Variants in PLCXD3 observed in about 807,000 individuals in gnomAD.
PLCXD3 encodes the protein PI-PLC X domain-containing protein 3.
In PLCXD3, 19 loss-of-function variants were observed where a neutral mutation model predicts 25.5. The observed-to-expected ratio is 0.75, with a 90% CI of 0.52 to 1.09. The LOEUF is 1.09. PLCXD3 is among the 50% of genes least tolerant of loss of function. The probability of loss-of-function intolerance (pLI) is 0.00; values close to 1 mark genes in which losing one functional copy is unlikely to be tolerated. For synonymous variants in PLCXD3, 174 were observed against 137.6 expected (o/e 1.26, Z -1.85); for missense variants, 411 against 388.1 (o/e 1.06, Z -0.50).
rs112491696 is a variant in PLCXD3 at position 41,401,688 on chromosome 5, T to C, written c.104-19154A>G. On this transcript the variant is annotated intron_variant, in intron 1 of 2. Coordinates refer to ENST00000377801, the MANE Select transcript of PLCXD3 (RefSeq NM_001005473.3). The stretch of plus-strand genomic sequence containing the variant: ...TTTCTAAAAGAGTTTGTGTAAGACA[T>C]GCATTATTTTCCTCTTAAATTTTGA... 8.2e-3 allele frequency among the ~76,000 whole-genome samples: 1,241 copies of C among 152,180 alleles called. 22 individuals carry two copies. Among genetic ancestry groups the C allele is most frequent in the African/African-American group, 0.028 (1,175 of 41,560 alleles).
chr5:41,431,158 A>AT (rs1747090413), intron 1 of PLCXD3, among the ~76,000 whole-genome samples: 1 of 152,156 alleles, frequency 6.6e-6, no homozygotes, highest in African/African-American at 2.4e-5. Flanking sequence ...CCATAGAGGG[A>AT]TTTTATCTCT....
At chr5:41,470,025 G>C (rs781405417) in intron 1 of PLCXD3, among the ~76,000 whole-genome samples, 1 of 152,158 alleles carries the variant, frequency 6.6e-6, no homozygotes, top group Non-Finnish European at 1.5e-5. Flanking sequence ...CTCAACAAAA[G>C]CCTCTGAAGT....
chr5:41,314,443 T>C (rs1177551853), intron 2 of PLCXD3, among the ~76,000 whole-genome samples: 1 of 152,094 alleles, frequency 6.6e-6, no homozygotes, highest in East Asian at 1.9e-4. Context: ...TAAACAATAG[T>C]CATAAAAATA....
chr5:41,436,425 C>A (rs1335439364), intron 1 of PLCXD3, among the ~76,000 whole-genome samples: 1 of 152,046 alleles, frequency 6.6e-6, no homozygotes, highest in African/African-American at 2.4e-5. Flanking sequence ...GATCTCCAGG[C>A]AGATACTGTT....
intron 1 of PLCXD3, among the ~76,000 whole-genome samples, chr5:41,427,889 A>G (rs542375851): frequency 1.3e-5 from 2 of 152,314 alleles, no homozygotes; most frequent in Non-Finnish European, 2.9e-5. Context: ...GCACATGGGA[A>G]ACATATTTTT....
intron 1 of PLCXD3, among the ~76,000 whole-genome samples, chr5:41,417,597 A>C (rs569709540): frequency 8.3e-4 from 127 of 152,340 alleles, no homozygotes; most frequent in Non-Finnish European, 1.6e-3. Flanking sequence ...AAATCCTGGA[A>C]CAGAATAACA....
intron 2 of PLCXD3, among the ~76,000 whole-genome samples, chr5:41,378,105 C>T (rs984160655): frequency 6.6e-6 from 1 of 152,036 alleles, no homozygotes; most frequent in Admixed American, 6.6e-5. Context: ...GAAGAGAAAG[C>T]CAACAAGTTC....
chr5:41,421,519 G>A (rs1746822531), intron 1 of PLCXD3, among the ~76,000 whole-genome samples: 1 of 151,880 alleles, frequency 6.6e-6, no homozygotes, highest in African/African-American at 2.4e-5. Context: ...GGCTAACACG[G>A]TGAAACCCCG....
At chr5:41,413,964 C>G (rs1358304845) in intron 1 of PLCXD3, among the ~76,000 whole-genome samples, 2 of 152,178 alleles carry the variant, frequency 1.3e-5, no homozygotes, top group East Asian at 3.9e-4. Context: ...GGTGGGTAAG[C>G]CAGACCTGAA....
intron 2 of PLCXD3, among the ~76,000 whole-genome samples, chr5:41,381,476 A>C (rs1043786368): frequency 6.6e-6 from 1 of 152,086 alleles, no homozygotes; most frequent in Non-Finnish European, 1.5e-5. Context: ...GACACATGAG[A>C]AAATGGCATG....
chr5:41,386,680 C>T (rs903449582), intron 1 of PLCXD3, among the ~76,000 whole-genome samples: 2 of 152,032 alleles, frequency 1.3e-5, no homozygotes, highest in African/African-American at 4.8e-5. Context: ...CAAGCAGCAA[C>T]AGAGCAAAAT....
intron 1 of PLCXD3, among the ~76,000 whole-genome samples, chr5:41,429,344 C>T (rs1747039020): frequency 2.6e-5 from 4 of 151,706 alleles, no homozygotes; most frequent in Admixed American, 2.6e-4. Context: ...GGGGGAAGGG[C>T]ACATTCAGTA....
chr5:41,431,113 T>C (rs1747088506), intron 1 of PLCXD3, among the ~76,000 whole-genome samples: 1 of 152,206 alleles, frequency 6.6e-6, no homozygotes, highest in South Asian at 2.1e-4. Flanking sequence ...AGAGGATCCA[T>C]GCCAATTTTC....
chr5:41,376,242 G>A (rs1279821934), intron 2 of PLCXD3, among the ~76,000 whole-genome samples: 3 of 152,080 alleles, frequency 2.0e-5, no homozygotes, highest in Non-Finnish European at 4.4e-5. Flanking sequence ...TTCCAAGGGG[G>A]CAGCACTGTC....
At chr5:41,431,767 C>A (rs1244415216) in intron 1 of PLCXD3, among the ~76,000 whole-genome samples, 1 of 152,154 alleles carries the variant, frequency 6.6e-6, no homozygotes, top group Non-Finnish European at 1.5e-5. Flanking sequence ...ACTCATAAAT[C>A]TCTAATCAAG....
At chr5:41,381,687 A>G (rs1318470760) in intron 2 of PLCXD3, 139 bp downstream of exon 2, 4 of 699,042 alleles carry the variant, frequency 5.7e-6, no homozygotes, top group African/African-American at 3.6e-5. Context: ...CTTTTAAGAA[A>G]CCCAATTAGT....
In PLCXD3 at chr5:41,311,922, A is replaced by T. The variant is rs1209121786; in HGVS notation, c.*1695T>A. 2 of 152,458 alleles carry T rather than the reference A, an allele frequency of 1.3e-5. No homozygotes were observed. The highest frequency in any genetic ancestry group is 1.3e-4 in the Admixed American group (2 of 15,246). 9.4% of individuals were successfully genotyped at this position (152,458 alleles called of 1,614,324 possible). A position where few individuals can be genotyped will look rare whatever the true frequency, so the allele number is the denominator to read the frequency against. On this transcript the variant is annotated 3_prime_UTR_variant, in exon 3 of 3. Transcript: ENST00000377801. ...GAGGGCATGCTTTTATTTCTCTATG[A>T]CCCTACTTTGCATGGACTGTATTAT...
chr5:41,437,160 A>G (rs1747273938), intron 1 of PLCXD3, among the ~76,000 whole-genome samples: 1 of 152,236 alleles, frequency 6.6e-6, no homozygotes, highest in South Asian at 2.1e-4. Flanking sequence ...TGAGTAAATC[A>G]GAAGACATCA....
intron 1 of PLCXD3, among the ~76,000 whole-genome samples, chr5:41,459,515 A>T (rs1024142631): frequency 3.3e-5 from 5 of 151,900 alleles, no homozygotes; most frequent in African/African-American, 1.2e-4. Context: ...CATTCATGTG[A>T]CATGTCAAAC....
Sources: allele counts gnomAD v4.1 joint callset (sites outside exome capture counted in the v4.1 genomes callset), GRCh38; gene constraint gnomAD v4.1.1; transcripts MANE v1.5; gene names NCBI Gene and HGNC (gene_info 2026-07-23, HGNC 2026-07-21).